Variants in MARK2 observed in about 807,000 individuals in gnomAD.
The protein encoded by MARK2 is serine/threonine-protein kinase MARK2.
A neutral mutation model predicts 89.8 loss-of-function variants in MARK2; 16 were observed. That is an observed-to-expected ratio of 0.18 (90% CI 0.12 to 0.27). MARK2 has a LOEUF of 0.27. MARK2 is among the 10% of genes least tolerant of loss of function. The pLI is 1.00. For synonymous variants in MARK2, 382 were observed against 399.5 expected, an observed-to-expected ratio of 0.96 and a Z score of 0.52; for missense variants, 621 against 1,049.9, an observed-to-expected ratio of 0.59 and a Z score of 5.65.
At chr11:63,887,076 T>C (rs1448089295) in intron 1 of MARK2, among the ~76,000 whole-genome samples, 1 of 152,202 alleles carries the variant, frequency 6.6e-6, no homozygotes, top group Non-Finnish European at 1.5e-5. Flanking sequence ...TAAACAGCAC[T>C]TCACCATTGG....
chr11:63,841,187 G>C (rs1001489416), intron 1 of MARK2, among the ~76,000 whole-genome samples: 1 of 152,032 alleles, frequency 6.6e-6, no homozygotes, highest in South Asian at 2.1e-4. Flanking sequence ...GTATTCTCTT[G>C]CATGTGAACA....
intron 1 of MARK2, among the ~76,000 whole-genome samples, chr11:63,887,218 A>C (rs1252015182): frequency 6.6e-6 from 1 of 152,228 alleles, no homozygotes; most frequent in Non-Finnish European, 1.5e-5. Flanking sequence ...ATTAGGCATC[A>C]AGAAGGGTTG....
intron 11 of MARK2, 46 bp downstream of exon 11, chr11:63,901,115 C>T (rs776024728): frequency 8.0e-7 from 1 of 1,247,948 alleles, no homozygotes; most frequent in African/African-American, 1.5e-5. Flanking sequence ...GCCTCACTGT[C>T]TGTAGCACCT....
chr11:63,854,358 C>T (rs2135219266), intron 1 of MARK2, among the ~76,000 whole-genome samples: 1 of 151,084 alleles, frequency 6.6e-6, no homozygotes, highest in South Asian at 2.1e-4. Flanking sequence ...CACCACCACG[C>T]CTGGCTAGTT....
intron 1 of MARK2, among the ~76,000 whole-genome samples, chr11:63,876,098 G>T (rs1469845247): frequency 6.6e-6 from 1 of 152,000 alleles, no homozygotes; most frequent in Non-Finnish European, 1.5e-5. Context: ...GTGGCCTTTT[G>T]TGGAAGGGAT....
rs760562422 is a variant in MARK2, at chr11:63,898,797, G to A, written c.438G>A (p.Arg146=). Residue 146 remains arginine, a synonymous_variant, in exon 6 of 19, where the codon AGG becomes AGA. Transcript: ENST00000402010. ...TTGATTACCTAGTGGCTCATGGCAG[G>A]ATGAAAGAAAAAGAGGCTCGAGCCA... is the stretch of plus-strand genomic sequence containing the variant. ...EVFDYLVAHG[R]MKEKEARAKF... is the part of the protein sequence containing the mutation. The A allele has an allele frequency of 6.8e-6, 11 of 1,614,016 alleles. No homozygotes were observed. In the Middle Eastern group the frequency reaches 5.0e-4, roughly 73 times the overall value.
chr11:63,856,323 T>TG (rs2016840756), intron 1 of MARK2, among the ~76,000 whole-genome samples: 2 of 131,896 alleles, frequency 1.5e-5, no homozygotes, highest in South Asian at 2.1e-4. Context: ...TTTTTTTTGT[T>TG]TTTTTTTTTT....
At chr11:63,888,688 A>C in intron 1 of MARK2, 1 of 1,185,260 alleles carries the variant, frequency 8.4e-7, no homozygotes, top group South Asian at 1.6e-5. Context: ...CTCCTTGCCA[A>C]ACCCAGTCTC....
chr11:63,864,018 A>T (rs2135247172), intron 1 of MARK2, among the ~76,000 whole-genome samples: 2 of 151,906 alleles, frequency 1.3e-5, no homozygotes, highest in South Asian at 4.2e-4. Flanking sequence ...CAGTGGCGCG[A>T]TCTCGGTTTG....
intron 17 of MARK2, among the ~76,000 whole-genome samples, chr11:63,907,472 A>G (rs1229211448): frequency 1.3e-5 from 2 of 152,122 alleles, no homozygotes; most frequent in East Asian, 1.9e-4. Context: ...CTCCTCTGCA[A>G]TCCCCAGTTT....
intron 1 of MARK2, among the ~76,000 whole-genome samples, chr11:63,866,122 C>T (rs61886130): frequency 0.026 from 3,973 of 152,068 alleles, 66 homozygotes; most frequent in Non-Finnish European, 0.037. Context: ...GTGGTCGAGG[C>T]GGGCAGATCA....
At position 63,902,686 on chromosome 11, in the gene MARK2, C is replaced by T; in HGVS notation, c.1320C>T (p.Asp440=). 1.2e-6 allele frequency: 2 copies of T among 1,614,112 alleles called. No individual in the cohort carries two copies. Among genetic ancestry groups the T allele is most frequent in the Non-Finnish European group, 1.7e-6 (2 of 1,180,002 alleles). The change falls in exon 13 of 19, where the codon GAC becomes GAT. Residue 440 remains aspartate, a synonymous_variant. Coordinates refer to ENST00000402010, the MANE Select transcript of MARK2 (RefSeq NM_001039469.3). This position sits in a 1 kb window ranked among gnomAD's most constrained non-coding sequence, Gnocchi z 4.2. The part of the protein sequence containing the change: ...NNAENKRPEE[D]RESGRKASST... ...CAGAAAATAAGCGGCCTGAGGAGGACCGGGAGTCAGGGCGGAAAGCCAGCA... is the reference window on the plus strand; with the variant it reads ...CAGAAAATAAGCGGCCTGAGGAGGATCGGGAGTCAGGGCGGAAAGCCAGCA...
chr11:63,876,912 G>A (rs957780208), intron 1 of MARK2, among the ~76,000 whole-genome samples: 2 of 151,998 alleles, frequency 1.3e-5, no homozygotes, highest in Non-Finnish European at 2.9e-5. Context: ...ACCAGTGCAC[G>A]AGCTAATCTC....
At chr11:63,895,398 T>C in intron 2 of MARK2, 60 bp downstream of exon 2, 1 of 1,547,834 alleles carries the variant, frequency 6.5e-7, no homozygotes. Flanking sequence ...CTCCAGCAGG[T>C]GGTGATGGGA....
chr11:63,876,003 T>C (rs1938730656), intron 1 of MARK2, among the ~76,000 whole-genome samples: 1 of 152,230 alleles, frequency 6.6e-6, no homozygotes, highest in Non-Finnish European at 1.5e-5. Flanking sequence ...CTGATCACAT[T>C]TCCCATAAAG....
intron 1 of MARK2, among the ~76,000 whole-genome samples, chr11:63,892,757 C>T (rs1215434149): frequency 2.8e-5 from 4 of 143,262 alleles, no homozygotes; most frequent in Non-Finnish European, 6.0e-5. Context: ...GACAGGGTCT[C>T]GCTCTATCAC....
At chr11:63,881,683 C>T (rs554421368) in intron 1 of MARK2, among the ~76,000 whole-genome samples, 21 of 152,124 alleles carry the variant, frequency 1.4e-4, no homozygotes, top group African/African-American at 3.6e-4. Flanking sequence ...TGGTGGCTCA[C>T]GCCTGTAATC....
chr11:63,889,310 C>A (rs946771288), intron 1 of MARK2, among the ~76,000 whole-genome samples: 21 of 152,198 alleles, frequency 1.4e-4, no homozygotes, highest in African/African-American at 5.1e-4. Context: ...GGACACTTTT[C>A]TCCCCCAACT....
At chr11:63,862,757 C>T (rs1937878771) in intron 1 of MARK2, among the ~76,000 whole-genome samples, 1 of 152,108 alleles carries the variant, frequency 6.6e-6, no homozygotes, top group African/African-American at 2.4e-5. Flanking sequence ...CAATTAAGTA[C>T]CTTAAAGTGT....
Sources: gnomAD v4.1 joint callset for allele counts (sites outside exome capture counted in the v4.1 genomes callset) on GRCh38, gnomAD v4.1.1 for gene constraint, Gnocchi (gnomAD v3.1) non-coding constraint, MANE v1.5 for transcripts, NCBI Gene and HGNC (gene_info 2026-07-23, HGNC 2026-07-21) for gene names.